The following SEZ6L variants were observed in gnomAD, a reference collection of about 807,000 sequenced individuals.
SEZ6L encodes seizure 6-like protein.
A neutral mutation model predicts 106.2 loss-of-function variants in SEZ6L; 37 were observed. The observed-to-expected ratio is 0.35, with a 90% CI of 0.27 to 0.46. The LOEUF (loss-of-function observed/expected upper bound fraction) is 0.46, where lower values mean the gene tolerates loss of function less well. Ranked by LOEUF, SEZ6L falls within the 20% of genes least tolerant of loss-of-function variation. The pLI, the probability that SEZ6L is intolerant of heterozygous loss-of-function variation, is 1.00. For missense variants in SEZ6L, 1,172 were observed against 1,332.8 expected, an observed-to-expected ratio of 0.88 and a Z score of 1.88; for synonymous variants, 541 against 570.4, an observed-to-expected ratio of 0.95 and a Z score of 0.73.
At chr22:26,361,715 G>A (rs1403435765) in intron 12 of SEZ6L, among the ~76,000 whole-genome samples, 1 of 152,042 alleles carries the variant, frequency 6.6e-6, no homozygotes, top group Non-Finnish European at 1.5e-5. Flanking sequence ...AGGAAACTGA[G>A]GCTCAGAGAG....
chr22:26,299,264 T>C, intron 5 of SEZ6L, 95 bp downstream of exon 5: 2 of 1,094,498 alleles, frequency 1.8e-6, no homozygotes, highest in Non-Finnish European at 2.4e-6. Flanking sequence ...AGGGAATGGC[T>C]TTCAGCCCAG....
chr22:26,361,212 C>A (rs9620607), intron 12 of SEZ6L, among the ~76,000 whole-genome samples: 92,473 of 151,848 alleles, frequency 0.61, 28,784 homozygotes, highest in East Asian at 0.97. Flanking sequence ...AAATATATTA[C>A]ATAGGCCAGG....
At chr22:26,340,025 A>G (rs2082775860) in intron 9 of SEZ6L, among the ~76,000 whole-genome samples, 1 of 152,152 alleles carries the variant, frequency 6.6e-6, no homozygotes, top group Non-Finnish European at 1.5e-5. Context: ...GCCTGAGCTC[A>G]GGATTTGGAG....
intron 1 of SEZ6L, among the ~76,000 whole-genome samples, chr22:26,228,750 A>G (rs5761423): frequency 0.18 from 28,045 of 152,156 alleles, 3,058 homozygotes; most frequent in East Asian, 0.42. Context: ...AGCCATTGCA[A>G]TGAGGAAATT....
At chr22:26,184,118 G>C (rs1369503582) in intron 1 of SEZ6L, among the ~76,000 whole-genome samples, 1 of 152,148 alleles carries the variant, frequency 6.6e-6, no homozygotes, top group African/African-American at 2.4e-5. Context: ...TTACTTTATA[G>C]AATGACCCTC....
At chr22:26,329,867 A>C (rs1428722337) in intron 9 of SEZ6L, among the ~76,000 whole-genome samples, 1 of 152,250 alleles carries the variant, frequency 6.6e-6, no homozygotes, top group African/African-American at 2.4e-5. Context: ...TTCAAAAAAA[A>C]CTATAAATAT....
chr22:26,282,710 C>A (rs140696714), intron 1 of SEZ6L, among the ~76,000 whole-genome samples: 1 of 152,144 alleles, frequency 6.6e-6, no homozygotes, highest in South Asian at 2.1e-4. Context: ...AGAAGCCTAC[C>A]GTGCCAGTAT....
chr22:26,334,859 G>A (rs1012559148), intron 9 of SEZ6L, among the ~76,000 whole-genome samples: 1 of 152,132 alleles, frequency 6.6e-6, no homozygotes, highest in Admixed American at 6.5e-5. Flanking sequence ...CCTCCCAGAA[G>A]GGATCCTGCC....
intron 1 of SEZ6L, among the ~76,000 whole-genome samples, chr22:26,205,082 G>A (rs548660014): frequency 1.3e-5 from 2 of 152,192 alleles, no homozygotes; most frequent in African/African-American, 4.8e-5. Flanking sequence ...CTTTCCATTG[G>A]TATAACTGGC....
chr22:26,235,607 A>G (rs1269077113), intron 1 of SEZ6L, among the ~76,000 whole-genome samples: 1 of 152,168 alleles, frequency 6.6e-6, no homozygotes, highest in Non-Finnish European at 1.5e-5. Context: ...GAGGTGATAA[A>G]TAGACATTAG....
At chr22:26,330,451 C>G (rs2082445181) in intron 9 of SEZ6L, among the ~76,000 whole-genome samples, 1 of 152,112 alleles carries the variant, frequency 6.6e-6, no homozygotes, top group Non-Finnish European at 1.5e-5. Context: ...GCAGGGTGGA[C>G]AGAGGGATCC....
chr22:26,189,200 C>A (rs1940008458), intron 1 of SEZ6L, among the ~76,000 whole-genome samples: 1 of 152,174 alleles, frequency 6.6e-6, no homozygotes, highest in Non-Finnish European at 1.5e-5. Flanking sequence ...CTCCTTGCAG[C>A]AATGTTGTGA....
intron 3 of SEZ6L, 135 bp downstream of exon 3, chr22:26,294,560 T>A: frequency 1.3e-6 from 1 of 795,252 alleles, no homozygotes; most frequent in Non-Finnish European, 2.0e-6. Flanking sequence ...TTTAGCTGGG[T>A]TTTGGCGAAT....
Position 26,311,856 on chromosome 22 carries a change from G to A in SEZ6L, c.1770G>A (p.Val590=), listed in dbSNP as rs778693211. 71 of 1,614,064 alleles carry A rather than the reference G, an allele frequency of 4.4e-5. No homozygotes were observed. Among genetic ancestry groups the A allele is most frequent in the Non-Finnish European group, 6.0e-5 (71 of 1,180,036 alleles). ...SDPTYNIGTI[V]EFTCDPGHSL... is the part of the protein sequence containing the mutation. ...CGACCTATAACATTGGGACTATAGT[G>A]GAGTTCACCTGCGACCCCGGCCACT... The change falls in exon 8 of 17, where the codon GTG becomes GTA. Residue 590 remains valine (V), a synonymous_variant. Coordinates refer to ENST00000248933, the MANE Select transcript of SEZ6L (RefSeq NM_021115.5).
intron 1 of SEZ6L, among the ~76,000 whole-genome samples, chr22:26,219,150 A>G (rs947638387): frequency 3.3e-5 from 5 of 152,130 alleles, no homozygotes; most frequent in Admixed American, 2.0e-4. Context: ...CCACTAGCAA[A>G]GTAGAAATAG....
At position 26,332,638 on chromosome 22, in the gene SEZ6L, G is replaced by A. The variant is rs555779782; in HGVS notation, c.2016-7798G>A. The stretch of plus-strand genomic sequence containing the variant: ...ATGTTTTTATTTTTTATAGAGATGG[G>A]GGTTTCACTATATTGCCCAGGCAGG... On this transcript the variant is annotated intron_variant, in intron 9 of 16. Transcript: ENST00000248933. Among the ~76,000 whole-genome samples, 83 of 151,850 alleles carry A rather than the reference G, an allele frequency of 5.5e-4. 1 individual carries two copies. The highest frequency in any genetic ancestry group is 5.4e-3 in the South Asian group (26 of 4,788).
At chr22:26,342,876 G>A (rs1461349261) in intron 10 of SEZ6L, among the ~76,000 whole-genome samples, 1 of 152,148 alleles carries the variant, frequency 6.6e-6, no homozygotes, top group Non-Finnish European at 1.5e-5. Flanking sequence ...TTGACCATGG[G>A]CTGTTTCAAG....
rs562573792 is a variant in SEZ6L at position 26,369,472 on chromosome 22, C to T, written c.2794+3906C>T. ...TCTCCTGCCTCGGCCTCCCGAGTAGCTGGGACTACAGGCGCCCGCCACCAC... is the reference window on the plus strand; with the variant it reads ...TCTCCTGCCTCGGCCTCCCGAGTAGTTGGGACTACAGGCGCCCGCCACCAC... On this transcript the variant is annotated intron_variant, in intron 13 of 16. Coordinates refer to ENST00000248933, the MANE Select transcript of SEZ6L (RefSeq NM_021115.5). Among the ~76,000 whole-genome samples the T allele has an allele frequency of 3.3e-5, 5 of 151,534 alleles. No individual in the cohort carries two copies. In the South Asian group the frequency reaches 1.1e-3, roughly 32 times the overall value.
At chr22:26,371,761 C>T (rs558263346) in intron 13 of SEZ6L, among the ~76,000 whole-genome samples, 1 of 152,226 alleles carries the variant, frequency 6.6e-6, no homozygotes, top group Non-Finnish European at 1.5e-5. Flanking sequence ...TCTAGAAGCC[C>T]CACAAGGTCA....
Sources: allele counts gnomAD v4.1 joint callset (sites outside exome capture counted in the v4.1 genomes callset), GRCh38; gene constraint gnomAD v4.1.1; transcripts MANE v1.5; gene names NCBI Gene and HGNC (gene_info 2026-07-23, HGNC 2026-07-21).